Variants in LRRTM4 observed in about 807,000 individuals in gnomAD.
LRRTM4 encodes leucine rich repeat transmembrane neuronal 4.
In LRRTM4, 25 loss-of-function variants were observed where a neutral mutation model predicts 47.6. The ratio of observed to expected loss-of-function variants is 0.53; its 90% CI spans 0.38 to 0.73. The LOEUF (loss-of-function observed/expected upper bound fraction) is 0.73, where lower values mean the gene tolerates loss of function less well. Ranked by LOEUF, LRRTM4 falls within the 30% of genes least tolerant of loss-of-function variation. The probability of loss-of-function intolerance (pLI) is 0.00; values close to 1 mark genes in which losing one functional copy is unlikely to be tolerated. For synonymous variants in LRRTM4, 311 were observed against 269.5 expected (o/e 1.15, Z -1.51); for missense variants, 638 against 713.4 (o/e 0.89, Z 1.20).
At chr2:77,242,303 C>A (rs1675289997) in intron 3 of LRRTM4, among the ~76,000 whole-genome samples, 1 of 151,918 alleles carries the variant, frequency 6.6e-6, no homozygotes, top group South Asian at 2.1e-4. Flanking sequence ...GTAATAAAAG[C>A]AAAAATAAGT....
chr2:76,998,386 C>T (rs1039206367), intron 3 of LRRTM4, among the ~76,000 whole-genome samples: 13 of 152,034 alleles, frequency 8.6e-5, no homozygotes, highest in African/African-American at 3.1e-4. Flanking sequence ...CTTCCCAGGG[C>T]ACCTACAGCT....
intron 3 of LRRTM4, among the ~76,000 whole-genome samples, chr2:77,509,014 C>T (rs936650862): frequency 6.6e-6 from 1 of 151,850 alleles, no homozygotes; most frequent in African/African-American, 2.4e-5. Context: ...GGCAGATCAC[C>T]CGAAGTCAGG....
chr2:76,802,687 CATACTACCTGACTTCCTTCAAAGT>C (rs1384367044), intron 3 of LRRTM4, among the ~76,000 whole-genome samples: 13 of 152,098 alleles, frequency 8.5e-5, no homozygotes, highest in Non-Finnish European at 1.6e-4. Flanking sequence ...CTGGAGGTAT[CATACTACCTGACTTCCTTCAAAGT>C]ATACTACAAA....
intron 3 of LRRTM4, among the ~76,000 whole-genome samples, chr2:77,380,214 T>G (rs1236444360): frequency 6.6e-6 from 1 of 152,178 alleles, no homozygotes; most frequent in African/African-American, 2.4e-5. Context: ...TTTTCAAAGA[T>G]TTTTATTGCT....
At chr2:77,205,961 C>A (rs1573075539) in intron 3 of LRRTM4, among the ~76,000 whole-genome samples, 2 of 151,346 alleles carry the variant, frequency 1.3e-5, no homozygotes, top group Admixed American at 1.3e-4. Flanking sequence ...TCAGCCTCCC[C>A]AGTACATGAG....
At chr2:76,931,427 G>T (rs1238717275) in intron 3 of LRRTM4, among the ~76,000 whole-genome samples, 1 of 152,124 alleles carries the variant, frequency 6.6e-6, no homozygotes, top group Non-Finnish European at 1.5e-5. Flanking sequence ...CTTTGACCTT[G>T]GGTTGTACAG....
At chr2:76,834,629 C>T (rs969094927) in intron 3 of LRRTM4, among the ~76,000 whole-genome samples, 4 of 151,890 alleles carry the variant, frequency 2.6e-5, no homozygotes, top group Non-Finnish European at 4.4e-5. Context: ...TTTCTCTAAT[C>T]CTTGGCTCAA....
At chr2:77,024,311 C>G (rs1284273844) in intron 3 of LRRTM4, among the ~76,000 whole-genome samples, 3 of 152,088 alleles carry the variant, frequency 2.0e-5, no homozygotes, top group Non-Finnish European at 4.4e-5. Flanking sequence ...TTTTTAGATT[C>G]CACATGTAAG....
chr2:76,938,501 T>C (rs1485066047), intron 3 of LRRTM4, among the ~76,000 whole-genome samples: 1 of 152,174 alleles, frequency 6.6e-6, no homozygotes, highest in Non-Finnish European at 1.5e-5. Flanking sequence ...TTTTATTGTT[T>C]GTAGTTATGT....
chr2:76,910,375 T>A (rs1031244118), intron 3 of LRRTM4, among the ~76,000 whole-genome samples: 19 of 149,838 alleles, frequency 1.3e-4, no homozygotes, highest in African/African-American at 4.4e-4. Context: ...AGGGATAACA[T>A]TGGGAGATAT....
chr2:77,019,104 A>T (rs1407382260), intron 3 of LRRTM4, among the ~76,000 whole-genome samples: 1 of 152,060 alleles, frequency 6.6e-6, no homozygotes, highest in Non-Finnish European at 1.5e-5. Flanking sequence ...TATATGAAAA[A>T]CTTCTTGAAT....
At chr2:76,939,126 A>G (rs1428802693) in intron 3 of LRRTM4, among the ~76,000 whole-genome samples, 1 of 149,816 alleles carries the variant, frequency 6.7e-6, no homozygotes, top group East Asian at 1.9e-4. Flanking sequence ...CTTTTTAGCA[A>G]TTTTCTTTTA....
At chr2:77,459,423 G>A (rs953125696) in intron 3 of LRRTM4, among the ~76,000 whole-genome samples, 1 of 152,048 alleles carries the variant, frequency 6.6e-6, no homozygotes, top group Non-Finnish European at 1.5e-5. Context: ...GACATATACA[G>A]CAATTAAGGG....
chr2:76,897,641 G>C (rs926622390), intron 3 of LRRTM4, among the ~76,000 whole-genome samples: 5 of 152,256 alleles, frequency 3.3e-5, no homozygotes, highest in Middle Eastern at 3.4e-3. Flanking sequence ...CCTATATCAA[G>C]TTGCAATTCC....
At chr2:77,511,305 A>G (rs13024591) in intron 3 of LRRTM4, among the ~76,000 whole-genome samples, 82,314 of 151,864 alleles carry the variant, frequency 0.54, 22,709 homozygotes, top group Middle Eastern at 0.6. Context: ...CAAAAGCAAT[A>G]CCATCTGTAT....
intron 3 of LRRTM4, among the ~76,000 whole-genome samples, chr2:77,331,564 T>G (rs981145315): frequency 5.3e-5 from 8 of 152,186 alleles, no homozygotes; most frequent in Non-Finnish European, 1.0e-4. Context: ...TATGAACATA[T>G]CTAAATGAAA....
intron 3 of LRRTM4, among the ~76,000 whole-genome samples, chr2:77,081,596 T>A (rs1469740260): frequency 6.6e-6 from 1 of 151,960 alleles, no homozygotes; most frequent in African/African-American, 2.4e-5. Flanking sequence ...AATTTTATTG[T>A]ACATAGGTGA....
chr2:77,397,923 C>T (rs920509556), intron 3 of LRRTM4, among the ~76,000 whole-genome samples: 10 of 151,734 alleles, frequency 6.6e-5, no homozygotes, highest in African/African-American at 2.4e-4. Flanking sequence ...GTGAGTCAAA[C>T]TACAGATGAC....
chr2:76,877,411 T>A (rs1254609171), intron 3 of LRRTM4, among the ~76,000 whole-genome samples: 1 of 152,084 alleles, frequency 6.6e-6, no homozygotes, highest in Non-Finnish European at 1.5e-5. Context: ...CTATTTTGCT[T>A]TTATGAACAA....
Sources: gnomAD v4.1 joint callset for allele counts (sites outside exome capture counted in the v4.1 genomes callset) on GRCh38, gnomAD v4.1.1 for gene constraint, MANE v1.5 for transcripts, NCBI Gene and HGNC (gene_info 2026-07-23, HGNC 2026-07-21) for gene names.